SORCS3: variants seen among roughly 807,000 people sequenced by gnomAD.
SORCS3 encodes VPS10 domain-containing receptor SorCS3.
SORCS3 carries 57 observed loss-of-function variants against 146.3 expected under a neutral mutation model. The observed-to-expected ratio is 0.39, with a 90% CI of 0.31 to 0.49. The LOEUF (loss-of-function observed/expected upper bound fraction) is 0.49. Among genes scored for constraint, SORCS3 ranks in the 20% least tolerant of loss-of-function variants. The probability of loss-of-function intolerance (pLI) is 0.92; values close to 1 mark genes in which losing one functional copy is unlikely to be tolerated. For missense variants in SORCS3, 1,341 were observed against 1,575.5 expected (o/e 0.85, Z 2.52); for synonymous variants, 653 against 618.5 (o/e 1.06, Z -0.83).
chr10:104,805,432 T>G (rs1564688107), intron 1 of SORCS3, among the ~76,000 whole-genome samples: 1 of 152,174 alleles, frequency 6.6e-6, no homozygotes, highest in Non-Finnish European at 1.5e-5. Flanking sequence ...AATTTTCACA[T>G]GTTGTTTGAA....
chr10:104,693,954 T>A (rs2016144160), intron 1 of SORCS3, among the ~76,000 whole-genome samples: 2 of 152,128 alleles, frequency 1.3e-5, no homozygotes, highest in Non-Finnish European at 2.9e-5. Context: ...ATAGATTTTT[T>A]TAAAGCATCC....
chr10:104,782,494 T>C (rs1381084330), intron 1 of SORCS3, among the ~76,000 whole-genome samples: 2 of 152,244 alleles, frequency 1.3e-5, no homozygotes, highest in African/African-American at 4.8e-5. Context: ...ATTGCAAAGA[T>C]GTCTAGTCTA....
chr10:104,709,686 A>T (rs1039250849), intron 1 of SORCS3, among the ~76,000 whole-genome samples: 1 of 152,208 alleles, frequency 6.6e-6, no homozygotes, highest in Non-Finnish European at 1.5e-5. Flanking sequence ...GCAAAGATGG[A>T]GTCCACACTT....
intron 2 of SORCS3, among the ~76,000 whole-genome samples, chr10:104,887,369 CA>C (rs1244509926): frequency 6.6e-6 from 1 of 152,060 alleles, no homozygotes; most frequent in African/African-American, 2.4e-5. Flanking sequence ...GGATTGGAAA[CA>C]AATATGGATC....
intron 3 of SORCS3, among the ~76,000 whole-genome samples, chr10:104,945,253 G>GTTTTGTTTTA (rs1400591451): frequency 1.0e-4 from 14 of 137,320 alleles, no homozygotes; most frequent in African/African-American, 3.6e-4. Context: ...GTTTTGTTTT[G>GTTTTGTTTTA]TTTTGTTTTG....
intron 9 of SORCS3, among the ~76,000 whole-genome samples, chr10:105,154,716 A>T (rs2056193833): frequency 6.6e-6 from 1 of 152,200 alleles, no homozygotes; most frequent in African/African-American, 2.4e-5. Context: ...GAGGGTGCGT[A>T]GTCTTCATAA....
intron 1 of SORCS3, among the ~76,000 whole-genome samples, chr10:104,762,159 C>T (rs1360578137): frequency 6.6e-6 from 1 of 152,164 alleles, no homozygotes; most frequent in Non-Finnish European, 1.5e-5. Flanking sequence ...CCATCTCTGG[C>T]CCCACCTCCT....
chr10:104,777,344 C>A (rs2017321720), intron 1 of SORCS3, among the ~76,000 whole-genome samples: 1 of 152,198 alleles, frequency 6.6e-6, no homozygotes, highest in African/African-American at 2.4e-5. Flanking sequence ...CAGTTACACA[C>A]TGAGCTGCAG....
chr10:105,182,325 G>C (rs1002578370), intron 14 of SORCS3, among the ~76,000 whole-genome samples: 2 of 144,670 alleles, frequency 1.4e-5, no homozygotes, highest in African/African-American at 2.6e-5. Flanking sequence ...CTGGAAGGTA[G>C]ATAGGATTGG....
chr10:105,263,168 T>C, intron 26 of SORCS3, 142 bp from the exon 27 acceptor site: 1 of 671,858 alleles, frequency 1.5e-6, no homozygotes, highest in Non-Finnish European at 2.5e-6. Flanking sequence ...AGCTGATAGG[T>C]AACGATATCC....
Position 104,997,345 on chromosome 10 carries a change from G to T in SORCS3, c.954+19852G>T, listed in dbSNP as rs148859652. ...AAACCTAAAGGAAATCTTCAGTTTT[G>T]CCTTTCATCAATTTCATATGAACCC... On this transcript the variant is annotated intron_variant, in intron 4 of 26. Coordinates refer to ENST00000369701, the MANE Select transcript of SORCS3 (RefSeq NM_014978.3). Among the ~76,000 whole-genome samples, 12 of 152,246 alleles carry T rather than the reference G, an allele frequency of 7.9e-5. 1 individual carries two copies. Among genetic ancestry groups the T allele is most frequent in the African/African-American group, 2.9e-4 (12 of 41,560 alleles).
intron 20 of SORCS3, among the ~76,000 whole-genome samples, chr10:105,237,424 T>C (rs2056798991): frequency 2.6e-5 from 4 of 152,212 alleles, no homozygotes; most frequent in Admixed American, 2.6e-4. Flanking sequence ...TAGTCACTGT[T>C]GTGCCCATCA....
chr10:105,001,622 G>T (rs2055061737), intron 4 of SORCS3, among the ~76,000 whole-genome samples: 1 of 152,198 alleles, frequency 6.6e-6, no homozygotes, highest in Admixed American at 6.5e-5. Context: ...CTTACCCTTT[G>T]AATATACTTG....
At chr10:105,177,383 G>A (rs946848157) in intron 13 of SORCS3, among the ~76,000 whole-genome samples, 2 of 152,186 alleles carry the variant, frequency 1.3e-5, no homozygotes, top group Non-Finnish European at 2.9e-5. Context: ...GGGCAGAAAG[G>A]TCCTTGATAA....
chr10:104,977,730 CTT>C (rs796233007), intron 4 of SORCS3, among the ~76,000 whole-genome samples: 2,261 of 122,774 alleles, frequency 0.018, 24 homozygotes, highest in African/African-American at 0.053. Context: ...CTTTTCTTTT[CTT>C]TTTTTTTTTT....
At chr10:105,257,013 A>G in intron 25 of SORCS3, 89 bp downstream of exon 25, 1 of 916,128 alleles carries the variant, frequency 1.1e-6, no homozygotes, top group Non-Finnish European at 1.8e-6. Context: ...ACTCATCGCA[A>G]GAATGTGATT....
chr10:104,888,453 A>G (rs1172996386), intron 2 of SORCS3, among the ~76,000 whole-genome samples: 1 of 152,188 alleles, frequency 6.6e-6, no homozygotes, highest in Non-Finnish European at 1.5e-5. Context: ...ATTGTTTTCC[A>G]TGTTTCTAAA....
chr10:104,746,351 T>C (rs1226532550), intron 1 of SORCS3, among the ~76,000 whole-genome samples: 2 of 152,302 alleles, frequency 1.3e-5, no homozygotes, highest in East Asian at 1.9e-4. Context: ...TTAGCCAGGA[T>C]GGTCTCGATC....
chr10:104,966,402 T>C (rs544284159), intron 3 of SORCS3, among the ~76,000 whole-genome samples: 1 of 152,332 alleles, frequency 6.6e-6, no homozygotes, highest in African/African-American at 2.4e-5. Flanking sequence ...CTCTAAGAGC[T>C]CATATTGATG....
Sources: gnomAD v4.1 joint callset for allele counts (sites outside exome capture counted in the v4.1 genomes callset) on GRCh38, gnomAD v4.1.1 for gene constraint, MANE v1.5 for transcripts, NCBI Gene and HGNC (gene_info 2026-07-23, HGNC 2026-07-21) for gene names.